The following GRM7 variants were observed in gnomAD, a reference collection of about 807,000 sequenced individuals.
GRM7 encodes the protein glutamate metabotropic receptor 7.
GRM7 carries 35 observed loss-of-function variants against 84.5 expected under a neutral mutation model. The observed-to-expected ratio is 0.41, with a 90% confidence interval of 0.32 to 0.55. The LOEUF (loss-of-function observed/expected upper bound fraction) is 0.55, where lower values mean the gene tolerates loss of function less well. Among genes scored for constraint, GRM7 ranks in the 20% least tolerant of loss-of-function variants. The pLI is 0.19. For synonymous variants in GRM7, 487 were observed against 455.1 expected (o/e 1.07, Z -0.89); for missense variants, 1,003 against 1,194.6 (o/e 0.84, Z 2.36).
chr3:6,982,720 T>G (rs1475738420), intron 1 of GRM7, among the ~76,000 whole-genome samples: 1 of 152,194 alleles, frequency 6.6e-6, no homozygotes, highest in Non-Finnish European at 1.5e-5. Flanking sequence ...GAGACTTCCA[T>G]CATATAAATG....
chr3:7,037,963 A>G (rs895448489), intron 1 of GRM7, among the ~76,000 whole-genome samples: 2 of 152,176 alleles, frequency 1.3e-5, no homozygotes, highest in African/African-American at 4.8e-5. Flanking sequence ...TAATTTAAAT[A>G]GTCTAATTGC....
chr3:6,970,133 G>T (rs1693687039), intron 1 of GRM7, among the ~76,000 whole-genome samples: 1 of 152,170 alleles, frequency 6.6e-6, no homozygotes, highest in Non-Finnish European at 1.5e-5. Flanking sequence ...AGTTTACTCT[G>T]ATTAACCTGG....
intron 1 of GRM7, among the ~76,000 whole-genome samples, chr3:7,025,081 C>T (rs902706250): frequency 6.6e-6 from 1 of 152,156 alleles, no homozygotes; most frequent in African/African-American, 2.4e-5. Flanking sequence ...CTCTGTTTGT[C>T]ATCAAAACCA....
intron 9 of GRM7, among the ~76,000 whole-genome samples, chr3:7,738,434 C>T (rs9867475): frequency 0.011 from 1,714 of 152,236 alleles, 39 homozygotes; most frequent in African/African-American, 0.039. Flanking sequence ...CTAAGTAAAG[C>T]ATCAACGGAA....
intron 2 of GRM7, among the ~76,000 whole-genome samples, chr3:7,161,815 A>G (rs977700131): frequency 3.3e-5 from 5 of 152,234 alleles, no homozygotes. Flanking sequence ...GAACGGGAGT[A>G]AACAAATAAC....
chr3:7,405,971 A>G (rs1036001528), intron 4 of GRM7, among the ~76,000 whole-genome samples: 4 of 151,654 alleles, frequency 2.6e-5, no homozygotes, highest in Non-Finnish European at 5.9e-5. Flanking sequence ...TTATATATGT[A>G]ATATTATATA....
chr3:7,321,506 G>GT (rs1201101413), intron 4 of GRM7, among the ~76,000 whole-genome samples: 5 of 151,730 alleles, frequency 3.3e-5, no homozygotes, highest in Admixed American at 1.3e-4. Context: ...TCTGCTGTGT[G>GT]TTTTTTTCCC....
intron 1 of GRM7, among the ~76,000 whole-genome samples, chr3:7,033,975 T>A (rs537318685): frequency 6.6e-6 from 1 of 152,302 alleles, no homozygotes; most frequent in South Asian, 2.1e-4. Flanking sequence ...TGAAGTGCAA[T>A]TGCCTGCAGT....
intron 1 of GRM7, among the ~76,000 whole-genome samples, chr3:6,963,551 G>T (rs1031584312): frequency 6.6e-6 from 1 of 151,620 alleles, no homozygotes; most frequent in Non-Finnish European, 1.5e-5. Flanking sequence ...CTTGAGCCCA[G>T]GAGTTTCAGG....
intron 4 of GRM7, among the ~76,000 whole-genome samples, chr3:7,387,926 G>T (rs1694847869): frequency 1.3e-5 from 2 of 152,070 alleles, no homozygotes; most frequent in South Asian, 4.1e-4. Context: ...TATGAGCATG[G>T]AATGATTTTC....
chr3:7,630,933 A>G (rs749555858), intron 8 of GRM7, among the ~76,000 whole-genome samples: 7 of 152,354 alleles, frequency 4.6e-5, no homozygotes, highest in East Asian at 1.9e-4. Flanking sequence ...AATTTTTTCA[A>G]TGATGATGTG....
intron 1 of GRM7, among the ~76,000 whole-genome samples, chr3:7,045,479 G>A (rs1167327688): frequency 6.6e-6 from 1 of 152,136 alleles, no homozygotes; most frequent in East Asian, 1.9e-4. Context: ...TGCACTAAAT[G>A]TCCAGAACTC....
At chr3:7,586,970 T>C (rs975318094) in intron 8 of GRM7, among the ~76,000 whole-genome samples, 1 of 152,174 alleles carries the variant, frequency 6.6e-6, no homozygotes, top group Non-Finnish European at 1.5e-5. Flanking sequence ...AAGTAAGTTG[T>C]TGGCTGTGAA....
At chr3:7,712,639 T>C (rs1348758728) in intron 9 of GRM7, among the ~76,000 whole-genome samples, 1 of 134,770 alleles carries the variant, frequency 7.4e-6, no homozygotes, top group Non-Finnish European at 1.6e-5. Flanking sequence ...TTCTTTGTTC[T>C]TTTTTTTGTT....
intron 4 of GRM7, among the ~76,000 whole-genome samples, chr3:7,374,624 G>A (rs1694268344): frequency 6.7e-6 from 1 of 149,724 alleles, no homozygotes. Context: ...GATTACAGGT[G>A]CCCGCCACCA....
At chr3:7,295,116 T>C (rs1487522401) in intron 2 of GRM7, among the ~76,000 whole-genome samples, 1 of 152,238 alleles carries the variant, frequency 6.6e-6, no homozygotes, top group Non-Finnish European at 1.5e-5. Flanking sequence ...CTTTGTTTTA[T>C]TCTAAAAGTT....
intron 7 of GRM7, among the ~76,000 whole-genome samples, chr3:7,487,353 G>A (rs1699359585): frequency 6.6e-6 from 1 of 152,126 alleles, no homozygotes; most frequent in South Asian, 2.1e-4. Context: ...GCTGAGGGTG[G>A]GTGTGGCCCA....
At chr3:7,500,536 G>A (rs935540996) in intron 7 of GRM7, among the ~76,000 whole-genome samples, 1 of 152,246 alleles carries the variant, frequency 6.6e-6, no homozygotes, top group Non-Finnish European at 1.5e-5. Context: ...ATTCCTAATG[G>A]TTTGGTTGCC....
intron 2 of GRM7, among the ~76,000 whole-genome samples, chr3:7,197,651 TCTC>T (rs945357493): frequency 6.6e-6 from 1 of 152,190 alleles, no homozygotes; most frequent in African/African-American, 2.4e-5. Context: ...CAATTAGATT[TCTC>T]CTAAGTGAGT....
Sources: gnomAD v4.1 joint callset for allele counts (sites outside exome capture counted in the v4.1 genomes callset) on GRCh38, gnomAD v4.1.1 for gene constraint, MANE v1.5 for transcripts, NCBI Gene and HGNC (gene_info 2026-07-23, HGNC 2026-07-21) for gene names.